USP12: variants seen among roughly 807,000 people sequenced by gnomAD.
USP12 encodes ubiquitin specific peptidase 12.
In USP12, 19 loss-of-function variants were observed where a neutral mutation model predicts 45.5. That is an observed-to-expected ratio of 0.42 (90% CI 0.29 to 0.61). USP12 has a LOEUF of 0.61. Among genes scored for constraint, USP12 ranks in the 20% least tolerant of loss-of-function variants. The pLI is 0.22. For missense variants in USP12, 242 were observed against 447.7 expected (o/e 0.54, Z 4.15); for synonymous variants, 149 against 148.8 (o/e 1.00, Z -0.01).
At chr13:27,145,755 C>T (rs555406803) in intron 1 of USP12, among the ~76,000 whole-genome samples, 156 of 151,752 alleles carry the variant, frequency 1.0e-3, no homozygotes, top group African/African-American at 3.6e-3. Context: ...AACTCTATAC[C>T]ACAAAATTTT....
At chr13:27,098,403 T>C (rs751857721) in intron 3 of USP12, among the ~76,000 whole-genome samples, 41 of 152,004 alleles carry the variant, frequency 2.7e-4, no homozygotes, top group Non-Finnish European at 5.3e-4. Context: ...AAAAAAATTT[T>C]AAAAACTGGC....
At chr13:27,101,920 T>C (rs1874878652) in intron 3 of USP12, among the ~76,000 whole-genome samples, 1 of 152,202 alleles carries the variant, frequency 6.6e-6, no homozygotes, top group Admixed American at 6.5e-5. Flanking sequence ...TGCTTGTCCA[T>C]GCAGGTTCCT....
chr13:27,125,528 C>A (rs543373810), intron 1 of USP12, among the ~76,000 whole-genome samples: 1 of 152,302 alleles, frequency 6.6e-6, no homozygotes, highest in African/African-American at 2.4e-5. Flanking sequence ...TCTACAGCTC[C>A]CTGCGAGATC....
At position 27,075,360 on chromosome 13, in the gene USP12, G is replaced by A. The variant is rs1873429577; in HGVS notation, c.763C>T (p.Leu255=). 6.2e-7 allele frequency: 1 copy of A among 1,613,214 alleles called. No individual in the cohort carries two copies. The highest frequency in any genetic ancestry group is 1.3e-5 in the African/African-American group (1 of 75,002). The change falls in exon 7 of 9, where the codon CTA becomes TTA. Residue 255 remains leucine (L), a synonymous_variant. Transcript: ENST00000282344. Reference sequence around the variant, plus strand: ...TTAAATCTCTTCAGGTGTAGAGCTAGAATCATGGGCAGTTTTTTAACTTTC... The same window carrying A: ...TTAAATCTCTTCAGGTGTAGAGCTAAAATCATGGGCAGTTTTTTAACTTTC... ...RMKVKKLPMI[L]ALHLKRFKYM...
intron 3 of USP12, 26 bp from the exon 4 acceptor site, chr13:27,095,856 GAATT>G (rs776011824): frequency 1.3e-6 from 2 of 1,506,240 alleles, no homozygotes; most frequent in Admixed American, 4.5e-5. Flanking sequence ...TTATATTAGA[GAATT>G]ATTTCAGAAT....
At chr13:27,116,633 T>C in intron 1 of USP12, 37 bp from the exon 2 acceptor site, 1 of 1,593,386 alleles carries the variant, frequency 6.3e-7, no homozygotes, top group Non-Finnish European at 8.6e-7. Context: ...GTATTTATAG[T>C]AGTCATGCAC....
intron 6 of USP12, among the ~76,000 whole-genome samples, chr13:27,078,686 C>T (rs1873605269): frequency 6.6e-6 from 1 of 151,152 alleles, no homozygotes; most frequent in Non-Finnish European, 1.5e-5. Context: ...TAATGAAGGT[C>T]AATTAACTAA....
chr13:27,086,221 C>CGCACATATACATATATTTTATATATAT (rs1874034824), intron 6 of USP12, among the ~76,000 whole-genome samples: 3 of 84,946 alleles, frequency 3.5e-5, no homozygotes, highest in Non-Finnish European at 5.1e-5. Flanking sequence ...TATATATATG[C>CGCACATATACATATATTTTATATATAT]GCACATATAC....
intron 1 of USP12, among the ~76,000 whole-genome samples, chr13:27,131,015 T>C (rs1876474356): frequency 6.6e-6 from 1 of 152,218 alleles, no homozygotes; most frequent in South Asian, 2.1e-4. Context: ...TGTGCAGCTA[T>C]AGAAATAACA....
chr13:27,109,112 TTGA>T (rs568627884), intron 2 of USP12, among the ~76,000 whole-genome samples: 87 of 152,248 alleles, frequency 5.7e-4, no homozygotes, highest in African/African-American at 2.0e-3. Flanking sequence ...CACTAAACAG[TTGA>T]TGAAGGAAGT....
At chr13:27,170,778 T>C (rs1374901576) in intron 1 of USP12, among the ~76,000 whole-genome samples, 1 of 152,214 alleles carries the variant, frequency 6.6e-6, no homozygotes, top group Non-Finnish European at 1.5e-5. Flanking sequence ...TCTGGTGGGC[T>C]GAAGTAAACA....
At chr13:27,153,968 C>T (rs1190364374) in intron 1 of USP12, among the ~76,000 whole-genome samples, 1 of 152,130 alleles carries the variant, frequency 6.6e-6, no homozygotes. Context: ...TTAATAACTG[C>T]AAAACAAAAA....
chr13:27,147,988 C>T (rs1272758369), intron 1 of USP12, among the ~76,000 whole-genome samples: 1 of 151,886 alleles, frequency 6.6e-6, no homozygotes, highest in Non-Finnish European at 1.5e-5. Context: ...ATTAGCCAGG[C>T]GTGGTGGTGT....
intron 1 of USP12, among the ~76,000 whole-genome samples, chr13:27,141,916 G>A (rs752766357): frequency 3.3e-5 from 5 of 152,096 alleles, no homozygotes; most frequent in Non-Finnish European, 7.4e-5. Context: ...GGGCGTGGTA[G>A]CTCATGCCTG....
chr13:27,067,879 C>T lies in USP12; in HGVS notation c.*1404G>A, dbSNP rs1352586203. ...GACAACTTACTGATGCATGGAAAAA[C>T]GTCCAAAAAAACTGCAATCGTTTAC... On this transcript the variant is annotated 3_prime_UTR_variant, in exon 9 of 9. Coordinates refer to ENST00000282344, the MANE Select transcript of USP12 (RefSeq NM_182488.4). 3.3e-5 allele frequency: 5 copies of T among 152,220 alleles called. No homozygotes were observed. The highest frequency in any genetic ancestry group is 1.9e-4 in the East Asian group (1 of 5,188). The allele number at this position is 152,220 out of a possible 1,614,324, so 9.4% of individuals were successfully genotyped here. A position where few individuals can be genotyped will look rare whatever the true frequency, so the allele number is the denominator to read the frequency against.
chr13:27,094,939 G>C (rs1874500860), intron 4 of USP12, among the ~76,000 whole-genome samples: 1 of 151,882 alleles, frequency 6.6e-6, no homozygotes, highest in Non-Finnish European at 1.5e-5. Context: ...CTTGAGCCCA[G>C]GAGTTCAAGA....
rs144599280 is a variant in USP12, at chr13:27,085,283, C to G, written c.734+4600G>C. ...TGCCTCCCTGCCTCCCAGGTTCAAG[C>G]AATTCTCTTGCCTTAGCCTCCAGAG... is the stretch of plus-strand genomic sequence containing the variant. On this transcript the variant is annotated intron_variant, in intron 6 of 8. Transcript: ENST00000282344. Among the ~76,000 whole-genome samples the G allele has an allele frequency of 3.9e-5, 6 of 152,092 alleles. No homozygotes were observed. The East Asian group carries it at 1.2e-3, about 29-fold the overall frequency.
In USP12 at chr13:27,068,038, C is replaced by T. The variant is rs958460018; in HGVS notation, c.*1245G>A. Reference sequence around the variant, plus strand: ...GGGGGGAAGGGAAGGAAGGACTTGTCTTTTGTATTCCCGGTCTACTTGATT... The same window carrying T: ...GGGGGGAAGGGAAGGAAGGACTTGTTTTTTGTATTCCCGGTCTACTTGATT... On this transcript the variant is annotated 3_prime_UTR_variant, in exon 9 of 9. Transcript: ENST00000282344. The T allele has an allele frequency of 3.9e-5, 6 of 152,166 alleles. No individual in the cohort carries two copies. The highest frequency in any genetic ancestry group is 6.5e-5 in the Admixed American group (1 of 15,272). 9.4% of individuals were successfully genotyped at this position (152,166 alleles called of 1,614,324 possible). A position where few individuals can be genotyped will look rare whatever the true frequency, so the allele number is the denominator to read the frequency against.
chr13:27,156,634 A>G lies in USP12; in HGVS notation c.48+14958T>C, dbSNP rs533337187. On this transcript the variant is annotated intron_variant, in intron 1 of 8. Coordinates refer to ENST00000282344, the MANE Select transcript of USP12 (RefSeq NM_182488.4). Reference sequence around the variant, plus strand: ...GAAGTTTGAGACCAGCCTGGCCAACATGGTGAAACCCCATCTCTACTAAAC... The same window carrying G: ...GAAGTTTGAGACCAGCCTGGCCAACGTGGTGAAACCCCATCTCTACTAAAC... 1.1e-4 allele frequency among the ~76,000 whole-genome samples: 17 copies of G among 152,320 alleles called. No homozygotes were observed. In the East Asian group the frequency reaches 3.1e-3, roughly 28 times the overall value.
Sources: allele counts gnomAD v4.1 joint callset (sites outside exome capture counted in the v4.1 genomes callset), GRCh38; gene constraint gnomAD v4.1.1; transcripts MANE v1.5; gene names NCBI Gene and HGNC (gene_info 2026-07-23, HGNC 2026-07-21).